Variants in RHBDL2 observed in about 807,000 individuals in gnomAD.
The protein encoded by RHBDL2 is rhomboid-related protein 2.
Under a neutral mutation model 31.7 loss-of-function variants are expected in RHBDL2, and 26 were observed. The ratio of observed to expected loss-of-function variants is 0.82; its 90% CI spans 0.60 to 1.14. RHBDL2 has a LOEUF of 1.14. Among genes scored for constraint, RHBDL2 ranks in the 50% most tolerant of loss-of-function variants. RHBDL2 has a pLI of 0.00. For synonymous variants in RHBDL2, 123 were observed against 127.2 expected, an observed-to-expected ratio of 0.97 and a Z score of 0.22; for missense variants, 336 against 364.4, an observed-to-expected ratio of 0.92 and a Z score of 0.63.
chr1:38,905,377 T>C (rs917442780), intron 4 of RHBDL2, among the ~76,000 whole-genome samples: 5 of 152,036 alleles, frequency 3.3e-5, no homozygotes, highest in African/African-American at 1.2e-4. Flanking sequence ...ATTTTTCTTT[T>C]TGCCATCCAC....
chr1:38,888,448 A>AG (rs1281896083), intron 6 of RHBDL2, among the ~76,000 whole-genome samples: 9 of 152,208 alleles, frequency 5.9e-5, no homozygotes, highest in African/African-American at 2.2e-4. Context: ...AAAGAGAAGA[A>AG]GAAATAGGAA....
At chr1:38,892,136 A>G (rs530334664) in intron 6 of RHBDL2, among the ~76,000 whole-genome samples, 1 of 152,294 alleles carries the variant, frequency 6.6e-6, no homozygotes, top group South Asian at 2.1e-4. Context: ...AAGCCACATT[A>G]GTCACCCTCT....
chr1:38,908,872 G>A (rs1643103588), intron 4 of RHBDL2, among the ~76,000 whole-genome samples: 1 of 152,206 alleles, frequency 6.6e-6, no homozygotes, highest in Non-Finnish European at 1.5e-5. Flanking sequence ...TGATGTACAG[G>A]AAGAATTGGA....
chr1:38,897,395 C>T (rs964993895), intron 4 of RHBDL2, among the ~76,000 whole-genome samples: 9 of 152,072 alleles, frequency 5.9e-5, no homozygotes, highest in Admixed American at 4.6e-4. Flanking sequence ...CCATTGCGCC[C>T]GGCCTAAACT....
At position 38,902,258 on chromosome 1, in the gene RHBDL2, C is replaced by T. The variant is rs554601320; in HGVS notation, c.509-6189G>A. On this transcript the variant is annotated intron_variant, in intron 4 of 7. Transcript: ENST00000372990. The stretch of plus-strand genomic sequence containing the variant: ...TCTCACTCTGTCGCCCAGGCTGGAA[C>T]GCAGTGGCATGATCACAGCTCACTG... Among the ~76,000 whole-genome samples the T allele has an allele frequency of 7.6e-5, 9 of 118,590 alleles. No homozygotes were observed. In the South Asian group the frequency reaches 8.2e-4, roughly 11 times the overall value. The allele number at this position is 118,590 out of a possible 152,430, so 77.8% of individuals were successfully genotyped here. A position where few individuals can be genotyped will look rare whatever the true frequency, so the allele number is the denominator to read the frequency against.
chr1:38,927,628 C>T lies in RHBDL2; in HGVS notation c.-125-8291G>A, dbSNP rs367796273. Among the ~76,000 whole-genome samples, 181 of 152,250 alleles carry T rather than the reference C, an allele frequency of 1.2e-3. 1 individual carries two copies. The highest frequency in any genetic ancestry group is 3.9e-3 in the African/African-American group (160 of 41,554). On this transcript the variant is annotated intron_variant, in intron 1 of 7. Transcript: ENST00000372990. ...ACTATAAAGACCTGAATTCTACTCC[C>T]AGCATCCACATTTAGTTTTCCACTG...
intron 1 of RHBDL2, among the ~76,000 whole-genome samples, chr1:38,923,532 A>G (rs1235147773): frequency 3.9e-5 from 6 of 152,190 alleles, no homozygotes; most frequent in Admixed American, 3.3e-4. Context: ...TTCCTTGGGC[A>G]TGGCCTGTAT....
chr1:38,937,192 C>T (rs189482269), intron 1 of RHBDL2, among the ~76,000 whole-genome samples: 2 of 152,156 alleles, frequency 1.3e-5, no homozygotes, highest in East Asian at 3.9e-4. Flanking sequence ...GTGATCCACC[C>T]GCCTCGGCCT....
chr1:38,941,174 T>C (rs1320354098), intron 1 of RHBDL2, among the ~76,000 whole-genome samples: 1 of 151,982 alleles, frequency 6.6e-6, no homozygotes, highest in Non-Finnish European at 1.5e-5. Flanking sequence ...AAAGATTGAG[T>C]GAAATCTCTC....
At chr1:38,924,596 A>G (rs961415200) in intron 1 of RHBDL2, among the ~76,000 whole-genome samples, 2 of 151,918 alleles carry the variant, frequency 1.3e-5, no homozygotes, top group African/African-American at 4.8e-5. Context: ...TCCGTCTCAA[A>G]AAAAAAACAA....
At chr1:38,909,304 C>T (rs1643111231) in intron 4 of RHBDL2, among the ~76,000 whole-genome samples, 1 of 152,130 alleles carries the variant, frequency 6.6e-6, no homozygotes, top group Non-Finnish European at 1.5e-5. Flanking sequence ...CCTCCTCTAC[C>T]CAGCACTTCC....
intron 1 of RHBDL2, among the ~76,000 whole-genome samples, chr1:38,924,788 T>TC (rs904278261): frequency 4.0e-5 from 6 of 150,410 alleles, no homozygotes; most frequent in Admixed American, 1.3e-4. Flanking sequence ...TTTTCTTTTT[T>TC]TTTTTTTTTT....
intron 6 of RHBDL2, among the ~76,000 whole-genome samples, chr1:38,890,662 C>G (rs1642842700): frequency 6.6e-6 from 1 of 152,056 alleles, no homozygotes; most frequent in Admixed American, 6.6e-5. Context: ...CATTGTCCTC[C>G]TTAAAAATTT....
intron 4 of RHBDL2, among the ~76,000 whole-genome samples, chr1:38,909,878 A>C (rs1222823493): frequency 3.3e-5 from 5 of 152,200 alleles, no homozygotes. Flanking sequence ...CCATACTTAT[A>C]TTCATAAAAA....
Position 38,887,972 on chromosome 1 carries a change from A to G in RHBDL2, c.723T>C (p.Asp241=), listed in dbSNP as rs1557606394. 2 of 1,609,874 alleles carry G rather than the reference A, an allele frequency of 1.2e-6. No homozygotes were observed. The highest frequency in any genetic ancestry group is 1.7e-6 in the Non-Finnish European group (2 of 1,176,278). The change falls in exon 7 of 8, where the codon GAT becomes GAC. Residue 241 remains aspartate, a synonymous_variant. Transcript: ENST00000372990. ...ALYRRFFVPE[D]GSPVSFAAHI... is the part of the protein sequence containing the mutation. The stretch of plus-strand genomic sequence containing the variant: ...AAGAAACTGAACTCACCGGAGACCC[A>G]TCTTCAGGAACAAAGAACCTTCTAT...
chr1:38,919,046 T>A lies in RHBDL2; in HGVS notation c.167A>T (p.Glu56Val). The change falls in exon 2 of 8, where the codon GAA becomes GTA. Residue 56 changes from glutamate (E) to valine (V), a missense_variant. Coordinates refer to ENST00000372990, the MANE Select transcript of RHBDL2 (RefSeq NM_017821.5). ...CTCCAAGTATGTTCCTCGGGACTTT[T>A]CGGGCAGCATCCATTTTGAGACAAT... ...HRIVSKWMLP[E>V]KSRGTYLERA... 1 of 1,614,184 alleles carries A rather than the reference T, an allele frequency of 6.2e-7. No homozygotes were observed.
chr1:38,907,187 A>G (rs918094733), intron 4 of RHBDL2, among the ~76,000 whole-genome samples: 1 of 152,218 alleles, frequency 6.6e-6, no homozygotes, highest in African/African-American at 2.4e-5. Context: ...TTCTAGCATA[A>G]TTGGATATCT....
At chr1:38,928,141 CTTTTTTTT>C (rs1209464598) in intron 1 of RHBDL2, among the ~76,000 whole-genome samples, 6 of 130,384 alleles carry the variant, frequency 4.6e-5, no homozygotes, top group Non-Finnish European at 1.6e-5. Flanking sequence ...TTTTTTCTTT[CTTTTTTTT>C]TTTTTTTTTT....
chr1:38,929,609 C>A, intron 1 of RHBDL2: 1 of 1,267,172 alleles, frequency 7.9e-7, no homozygotes, highest in Non-Finnish European at 1.0e-6. Flanking sequence ...CTGAGACCCG[C>A]CTTGATGTGG....
Sources: allele counts gnomAD v4.1 joint callset (sites outside exome capture counted in the v4.1 genomes callset), GRCh38; gene constraint gnomAD v4.1.1; transcripts MANE v1.5; gene names NCBI Gene and HGNC (gene_info 2026-07-23, HGNC 2026-07-21).